C2: variants seen among roughly 807,000 people sequenced by gnomAD.
The protein encoded by C2 is complement C2, also known as C3/C5 convertase.
In C2, 64 loss-of-function variants were observed where a neutral mutation model predicts 85.2. The ratio of observed to expected loss-of-function variants is 0.75; its 90% confidence interval spans 0.61 to 0.92. C2 has a LOEUF of 0.92. Among genes scored for constraint, C2 ranks in the 40% least tolerant of loss-of-function variants. C2 has a pLI of 0.00. For missense variants in C2, 820 were observed against 971.6 expected, an observed-to-expected ratio of 0.84 and a Z score of 2.07; for synonymous variants, 311 against 370.8, an observed-to-expected ratio of 0.84 and a Z score of 1.85.
intron 3 of C2, 33 bp downstream of exon 3, chr6:31,928,950 G>A: frequency 2.5e-6 from 4 of 1,579,670 alleles, no homozygotes; most frequent in Non-Finnish European, 3.5e-6. Flanking sequence ...TACACAGGGG[G>A]CTGGGGTCTC....
At chr6:31,937,141 G>A in intron 7 of C2, 178 bp from the exon 8 acceptor site, 1 of 615,206 alleles carries the variant, frequency 1.6e-6, no homozygotes, top group Non-Finnish European at 2.9e-6. Context: ...CTGGGGAGGT[G>A]GAGGTTGCAG....
Position 31,921,186 on chromosome 6 carries a change from C to T in C2, c.-100+1160C>T, listed in dbSNP as rs1301101031. ...ATTAAAAAAGAAATGGATGAGAAAC[C>T]AAAGCCAATTCTGTTGCTGACCTGA... On this transcript the variant is annotated intron_variant, in intron 1 of 3. Coordinates refer to the C2 transcript ENST00000413154. The surrounding 1 kb of genome is among the most constrained non-coding windows in gnomAD (Gnocchi z 4.6). 6.6e-6 allele frequency among the ~76,000 whole-genome samples: 1 copy of T among 152,032 alleles called. No homozygotes were observed. Among genetic ancestry groups the T allele is most frequent in the African/African-American group, 2.4e-5 (1 of 41,370 alleles).
intron 9 of C2, among the ~76,000 whole-genome samples, chr6:31,941,005 C>T (rs1770835580): frequency 6.6e-6 from 1 of 152,214 alleles, no homozygotes; most frequent in Admixed American, 6.5e-5. Context: ...TTCTGACTGG[C>T]ACCACAGTCG....
chr6:31,944,646 G>C lies in C2; in HGVS notation c.1903-81G>C, dbSNP rs1036453144. ...TCTGCCTGCCTCAACCTCCCAAAGT[G>C]CTGAGATTACAGGCGTGAGCCACTG... On this transcript the variant is annotated intron_variant, in intron 15 of 17. Transcript: ENST00000299367. The surrounding 1 kb of genome is among the most constrained non-coding windows in gnomAD (Gnocchi z 5.1). 1 of 1,499,912 alleles carries C rather than the reference G, an allele frequency of 6.7e-7. No individual in the cohort carries two copies. Among genetic ancestry groups the C allele is most frequent in the African/African-American group, 1.4e-5 (1 of 72,604 alleles). 92.9% of individuals were successfully genotyped at this position (1,499,912 alleles called of 1,614,324 possible). A position where few individuals can be genotyped will look rare whatever the true frequency, so the allele number is the denominator to read the frequency against.
chr6:31,943,153 A>G lies in C2; in HGVS notation c.1360+54A>G. The G allele has an allele frequency of 6.2e-7, 1 of 1,612,666 alleles. No individual in the cohort carries two copies. The highest frequency in any genetic ancestry group is 1.1e-5 in the South Asian group (1 of 91,076). ...GGGAGGATGGTGAGGAGCCCGCCAG[A>G]GGCCCGTGTTGGGAACCTGGACACA... On this transcript the variant is annotated intron_variant, in intron 10 of 17. Coordinates refer to ENST00000299367, the MANE Select transcript of C2 (RefSeq NM_000063.6). The surrounding 1 kb of genome is among the most constrained non-coding windows in gnomAD (Gnocchi z 6.4).
At chr6:31,918,882 CAAA>C (rs9281625), upstream of C2, among the ~76,000 whole-genome samples, 1 of 74,414 alleles carries the variant, frequency 1.3e-5, no homozygotes, top group Non-Finnish European at 2.5e-5. Flanking sequence ...GACTCTGTCT[CAAA>C]AAAAAAAAAA....
intron 1 of C2, chr6:31,901,346 TCAGAGA>T (rs754642199): frequency 4.5e-6 from 7 of 1,572,952 alleles, no homozygotes; most frequent in East Asian, 2.3e-5. Context: ...AGGAAACCGG[TCAGAGA>T]CAAAGGTCTC....
chr6:31,916,558 C>CAAAAA (rs9279453), upstream of C2, among the ~76,000 whole-genome samples: 1 of 81,078 alleles, frequency 1.2e-5, no homozygotes, highest in Non-Finnish European at 2.4e-5. Context: ...GACTCCGTCT[C>CAAAAA]AAAAAAAAAA....
At chr6:31,934,721 T>G (rs1235759820) in intron 6 of C2, 2 of 1,146,704 alleles carry the variant, frequency 1.7e-6, no homozygotes, top group Non-Finnish European at 2.1e-6. Context: ...TTAAAATGTG[T>G]GTGATAGACT....
At position 31,905,490 on chromosome 6, in the gene C2, G is replaced by C. The variant is rs1287763754; in HGVS notation, c.73+4351G>C. Among the ~76,000 whole-genome samples the C allele has an allele frequency of 4.6e-5, 7 of 151,448 alleles. No homozygotes were observed. The South Asian group carries it at 8.3e-4, about 18-fold the overall frequency. ...AGCTTTAGAAATAAAATCTGGGCTGGGCACTGTGGCTTATGCCTGTAATCC... is the reference window on the plus strand; with the variant it reads ...AGCTTTAGAAATAAAATCTGGGCTGCGCACTGTGGCTTATGCCTGTAATCC... On this transcript the variant is annotated intron_variant, in intron 1 of 3. Coordinates refer to the C2 transcript ENST00000452202.
intron 1 of C2, chr6:31,901,856 T>G (rs1767319888): frequency 7.0e-6 from 1 of 141,902 alleles, no homozygotes; most frequent in South Asian, 2.5e-4. Flanking sequence ...TTCCGCGCGC[T>G]GTTTTTTTAA....
In C2 at chr6:31,945,226, G is replaced by A; in HGVS notation, c.2128G>A (p.Asp710Asn). 6.2e-7 allele frequency: 1 copy of A among 1,612,914 alleles called. No homozygotes were observed. Among genetic ancestry groups the A allele is most frequent in the Non-Finnish European group, 8.5e-7 (1 of 1,180,012 alleles). The change falls in exon 18 of 18, where the codon GAC becomes AAC. Residue 710 changes from aspartate (D) to asparagine (N), a missense_variant. Asp to Asn is a conservative substitution (Grantham distance 23). Coordinates refer to ENST00000299367, the MANE Select transcript of C2 (RefSeq NM_000063.6). This position sits in a 1 kb window ranked among gnomAD's most constrained non-coding sequence, Gnocchi z 5.3. ...TTACAACCCCTGCCTTGGCTCTGCT[G>A]ACAAAAACTCCCGCAAAAGGGCCCC... ...GLYNPCLGSADKNSRKRAPRS... is the reference protein window; with the variant it reads ...GLYNPCLGSANKNSRKRAPRS...
upstream of C2, chr6:31,927,704 T>G (rs965130798): frequency 6.2e-7 from 1 of 1,612,762 alleles, no homozygotes; most frequent in Non-Finnish European, 8.5e-7. This position sits in a 1 kb window ranked among gnomAD's most constrained non-coding sequence, Gnocchi z 4.7. Flanking sequence ...TCAGATGACC[T>G]TTTCCCTCCC....
At chr6:31,929,017 T>C in intron 3 of C2, 100 bp downstream of exon 3, 1 of 1,040,832 alleles carries the variant, frequency 9.6e-7, no homozygotes, top group Non-Finnish European at 1.4e-6. Context: ...GATAGGAGTC[T>C]GTTGTTCAGT....
chr6:31,935,849 C>T lies in C2; in HGVS notation c.850-74C>T. On this transcript the variant is annotated intron_variant, in intron 6 of 17. Coordinates refer to ENST00000299367, the MANE Select transcript of C2 (RefSeq NM_000063.6). This position sits in a 1 kb window ranked among gnomAD's most constrained non-coding sequence, Gnocchi z 4.3. ...CCAGTTTCTCTGCCTCCTCCAGGGC[C>T]CTTTGTTTGCTCTCTTACCATCTCC... The T allele has an allele frequency of 6.5e-7, 1 of 1,538,102 alleles. No individual in the cohort carries two copies. Among genetic ancestry groups the T allele is most frequent in the Non-Finnish European group, 8.9e-7 (1 of 1,117,326 alleles).
upstream of C2, among the ~76,000 whole-genome samples, chr6:31,899,348 TCTTA>T (rs960960177): frequency 6.7e-6 from 1 of 150,048 alleles, no homozygotes; most frequent in Non-Finnish European, 1.5e-5. Flanking sequence ...TTACCTGGCG[TCTTA>T]CTTTGTTCTC....
chr6:31,937,589 T>TG lies in C2; in HGVS notation c.1129+134dup, dbSNP rs892431528. On this transcript the variant is annotated intron_variant, in intron 8 of 17. Coordinates refer to ENST00000299367, the MANE Select transcript of C2 (RefSeq NM_000063.6). ...CCAGTTTTGTTTTTGTTTTTAGAGA[T>TG]GGGGCCTTGCTATGTTGCCCAGCTG... is the stretch of plus-strand genomic sequence containing the variant. The TG allele has an allele frequency of 1.4e-5, 16 of 1,103,588 alleles. No individual in the cohort carries two copies. In the Admixed American group the frequency reaches 1.6e-4, roughly 11 times the overall value. 68.4% of individuals were successfully genotyped at this position (1,103,588 alleles called of 1,614,324 possible). A position where few individuals can be genotyped will look rare whatever the true frequency, so the allele number is the denominator to read the frequency against.
At chr6:31,912,158 TA>T (rs1339271474) in intron 1 of C2, among the ~76,000 whole-genome samples, 2 of 152,184 alleles carry the variant, frequency 1.3e-5, no homozygotes, top group African/African-American at 4.8e-5. Flanking sequence ...CACATATTCG[TA>T]AGAGTGGAGT....
chr6:31,915,947 T>C (rs1008845850), upstream of C2, among the ~76,000 whole-genome samples: 1 of 152,148 alleles, frequency 6.6e-6, no homozygotes, highest in African/African-American at 2.4e-5. Context: ...CACTGGACAG[T>C]GGGGGAACCA....
Sources: allele counts gnomAD v4.1 joint callset (sites outside exome capture counted in the v4.1 genomes callset), GRCh38; gene constraint gnomAD v4.1.1; non-coding constraint Gnocchi (gnomAD v3.1); transcripts MANE v1.5; gene names NCBI Gene and HGNC (gene_info 2026-07-23, HGNC 2026-07-21).